The following QRSL1 variants were observed in gnomAD, a reference collection of about 807,000 sequenced individuals.
QRSL1 encodes glutaminyl-tRNA amidotransferase subunit QRSL1, also known as glutamyl-tRNA(Gln) amidotransferase subunit A, mitochondrial.
Under a neutral mutation model 61.6 loss-of-function variants are expected in QRSL1, and 54 were observed. The observed-to-expected ratio is 0.88, with a 90% confidence interval of 0.70 to 1.10. The LOEUF is 1.10. Among genes scored for constraint, QRSL1 ranks in the 50% least tolerant of loss-of-function variants. QRSL1 has a pLI of 0.00. For missense variants in QRSL1, 505 were observed against 622.6 expected (o/e 0.81, Z 2.01); for synonymous variants, 228 against 225.7 (o/e 1.01, Z -0.09).
At chr6:106,634,009 A>AAGT (rs1321988762) in intron 1 of QRSL1, among the ~76,000 whole-genome samples, 41 of 152,238 alleles carry the variant, frequency 2.7e-4, no homozygotes, top group African/African-American at 9.9e-4. Flanking sequence ...GAGAAAAATT[A>AAGT]AGTAGATCAT....
chr6:106,639,742 G>C (rs1329337909), intron 1 of QRSL1, among the ~76,000 whole-genome samples: 2 of 151,786 alleles, frequency 1.3e-5, no homozygotes, highest in African/African-American at 4.8e-5. Flanking sequence ...AGTCACTTTC[G>C]GTGCAGTTTT....
At chr6:106,641,159 A>G (rs1353680184) in intron 3 of QRSL1, among the ~76,000 whole-genome samples, 1 of 152,178 alleles carries the variant, frequency 6.6e-6, no homozygotes, top group Non-Finnish European at 1.5e-5. Flanking sequence ...AATATTTAGG[A>G]AGACTCAGTT....
At position 106,638,212 on chromosome 6, in the gene QRSL1, C is replaced by G. The variant is rs546492968; in HGVS notation, c.25-2137C>G. ...AACTCTCTTCCACCCAGCCTACTACCATCTTTGTTCTTCCCATTCCATATA... is the reference window on the plus strand; with the variant it reads ...AACTCTCTTCCACCCAGCCTACTACGATCTTTGTTCTTCCCATTCCATATA... On this transcript the variant is annotated intron_variant, in intron 1 of 10. Coordinates refer to ENST00000369046, the MANE Select transcript of QRSL1 (RefSeq NM_018292.5). 1.1e-3 allele frequency among the ~76,000 whole-genome samples: 172 copies of G among 152,304 alleles called. 1 individual carries two copies. The highest frequency in any genetic ancestry group is 3.9e-3 in the African/African-American group (161 of 41,568).
chr6:106,649,118 C>A lies in QRSL1; in HGVS notation c.474C>A (p.Ser158Arg), dbSNP rs1213839252. The change falls in exon 5 of 11, where the codon AGC (serine) becomes AGA (arginine). Residue 158 changes from serine (S) to arginine (R), a missense_variant. Ser to Arg is a moderately radical substitution (Grantham distance 110). Coordinates refer to ENST00000369046, the MANE Select transcript of QRSL1 (RefSeq NM_018292.5). ...AAAAGAGGAAGCAGAATCCCCACAG[C>A]GAGAATGAAGATTCAGACTGGCTGA... Reference protein sequence around the residue: ...YREKRKQNPHSENEDSDWLIT... With the variant: ...YREKRKQNPHRENEDSDWLIT... 1.4e-5 allele frequency: 23 copies of A among 1,614,134 alleles called. No individual in the cohort carries two copies. The highest frequency in any genetic ancestry group is 1.9e-5 in the Non-Finnish European group (22 of 1,180,022).
rs1562164982 is a variant in QRSL1, at chr6:106,639,111, G to GTTTTTTT, written c.25-1234_25-1233insTTTTTTT. Among the ~76,000 whole-genome samples the GTTTTTTT allele has an allele frequency of 1.8e-3, 108 of 60,740 alleles. 7 individuals carry two copies. Among genetic ancestry groups the GTTTTTTT allele is most frequent in the African/African-American group, 6.9e-3 (103 of 14,928 alleles). The allele number at this position is 60,740 out of a possible 152,430, so 39.8% of individuals were successfully genotyped here. On this transcript the variant is annotated intron_variant, in intron 1 of 10. Transcript: ENST00000369046. The stretch of plus-strand genomic sequence containing the variant: ...ACCTAACTTGTGTGGTTATTTGTGT[G>GTTTTTTT]TTTTGTTGTTTTTTTTTTTTTTTTT...
At chr6:106,634,326 C>G (rs915813036) in intron 1 of QRSL1, among the ~76,000 whole-genome samples, 1 of 152,138 alleles carries the variant, frequency 6.6e-6, no homozygotes, top group Non-Finnish European at 1.5e-5. Context: ...ACCTTTGAGG[C>G]CACAGTAGGG....
chr6:106,658,042 T>C (rs1777298301), intron 9 of QRSL1, among the ~76,000 whole-genome samples: 1 of 152,246 alleles, frequency 6.6e-6, no homozygotes, highest in Admixed American at 6.5e-5. Flanking sequence ...TATTTACTTA[T>C]GTAACACATT....
chr6:106,634,671 T>G (rs2114697797), intron 1 of QRSL1, among the ~76,000 whole-genome samples: 1 of 151,330 alleles, frequency 6.6e-6, no homozygotes, highest in East Asian at 2.0e-4. Flanking sequence ...GAGGCTGAGG[T>G]GGGAGGATCA....
chr6:106,647,545 CG>C (rs368364542), intron 4 of QRSL1, among the ~76,000 whole-genome samples: 45 of 96,782 alleles, frequency 4.6e-4, no homozygotes, highest in African/African-American at 1.7e-3. Flanking sequence ...GGCAATAGAG[CG>C]AGACTGTCTC....
Position 106,654,870 on chromosome 6 carries a change from G to A in QRSL1, c.990G>A (p.Leu330=). The part of the protein sequence containing the change: ...TSYSIVCYHV[L]CTSEVASNMA... ...ATTCAATTGTCTGCTACCATGTATT[G>A]TGCACATCAGAAGTGGCATCGAATA... is the stretch of plus-strand genomic sequence containing the variant. Residue 330 remains leucine, a synonymous_variant, in exon 8 of 11, where the codon TTG becomes TTA. Coordinates refer to ENST00000369046, the MANE Select transcript of QRSL1 (RefSeq NM_018292.5). 6.2e-7 allele frequency: 1 copy of A among 1,613,226 alleles called. No homozygotes were observed.
intron 9 of QRSL1, among the ~76,000 whole-genome samples, chr6:106,657,036 G>A (rs866339228): frequency 4.6e-5 from 7 of 152,322 alleles, no homozygotes; most frequent in Admixed American, 1.3e-4. Flanking sequence ...TTGGAAGGCC[G>A]AGGTGGGCAG....
At chr6:106,639,584 G>A (rs910862861) in intron 1 of QRSL1, among the ~76,000 whole-genome samples, 1 of 151,962 alleles carries the variant, frequency 6.6e-6, no homozygotes, top group African/African-American at 2.4e-5. Context: ...CCAAAGTTTT[G>A]GTGTCATCTT....
chr6:106,667,126 A>G lies in QRSL1; in HGVS notation c.*1124A>G, dbSNP rs1267259822. Reference sequence around the variant, plus strand: ...ATCACAGATTGGAAACTTGGTAGATAGCAGAGCATGGTATTAGTGAAAAAG... The same window carrying G: ...ATCACAGATTGGAAACTTGGTAGATGGCAGAGCATGGTATTAGTGAAAAAG... On this transcript the variant is annotated 3_prime_UTR_variant, in exon 11 of 11. Transcript: ENST00000369046. 1.3e-5 allele frequency: 2 copies of G among 152,268 alleles called. No homozygotes were observed. The highest frequency in any genetic ancestry group is 1.3e-4 in the Admixed American group (2 of 15,292). The allele number at this position is 152,268 out of a possible 1,614,324, so 9.4% of individuals were successfully genotyped here.
rs1582409876 is a variant in QRSL1 at position 106,642,650 on chromosome 6, T to C, written c.284-344T>C. Reference sequence around the variant, plus strand: ...TGGCAAAACTGGAGAGTACACAGTGTTCCCCAGCATGCTGTTGGCATTGTT... The same window carrying C: ...TGGCAAAACTGGAGAGTACACAGTGCTCCCCAGCATGCTGTTGGCATTGTT... On this transcript the variant is annotated intron_variant, in intron 3 of 10. Coordinates refer to ENST00000369046, the MANE Select transcript of QRSL1 (RefSeq NM_018292.5). The C allele has an allele frequency of 5.1e-6, 4 of 782,008 alleles. No individual in the cohort carries two copies. In the East Asian group the frequency reaches 9.7e-5, roughly 19 times the overall value. 48.4% of individuals were successfully genotyped at this position (782,008 alleles called of 1,614,324 possible). A position where few individuals can be genotyped will look rare whatever the true frequency, so the allele number is the denominator to read the frequency against.
chr6:106,631,400 G>A (rs1220690887), intron 1 of QRSL1, among the ~76,000 whole-genome samples: 1 of 152,178 alleles, frequency 6.6e-6, no homozygotes, highest in Non-Finnish European at 1.5e-5. Flanking sequence ...GCAATGCAAT[G>A]GGAATATGTG....
chr6:106,660,556 T>A (rs144626196), intron 9 of QRSL1, among the ~76,000 whole-genome samples: 1 of 152,262 alleles, frequency 6.6e-6, no homozygotes, highest in Admixed American at 6.5e-5. Flanking sequence ...TCATTTCATA[T>A]ATTTTGTCCA....
At chr6:106,661,828 C>T (rs1777361329) in intron 9 of QRSL1, among the ~76,000 whole-genome samples, 1 of 151,336 alleles carries the variant, frequency 6.6e-6, no homozygotes, top group African/African-American at 2.4e-5. Flanking sequence ...GCTCCTGCCT[C>T]AGCCTCCTGA....
rs1370215480 is a variant in QRSL1 at position 106,654,719 on chromosome 6, T to C, written c.850-11T>C. Reference sequence around the variant, plus strand: ...CAGTTCCAATTTTGTATCTTGACTTTTTGCTATAAGGAATATCTTGTACCG... The same window carrying C: ...CAGTTCCAATTTTGTATCTTGACTTCTTGCTATAAGGAATATCTTGTACCG... On this transcript the variant is annotated splice_polypyrimidine_tract_variant and intron_variant, in intron 7 of 10. Coordinates refer to ENST00000369046, the MANE Select transcript of QRSL1 (RefSeq NM_018292.5). The C allele has an allele frequency of 1.3e-6, 2 of 1,596,886 alleles. No homozygotes were observed.
intron 5 of QRSL1, among the ~76,000 whole-genome samples, chr6:106,651,587 CAA>C (rs1215804156): frequency 2.6e-5 from 4 of 152,060 alleles, no homozygotes; most frequent in Admixed American, 6.6e-5. Context: ...ATTTTCATAA[CAA>C]AGTTATTTAT....
Sources: allele counts gnomAD v4.1 joint callset (sites outside exome capture counted in the v4.1 genomes callset), GRCh38; gene constraint gnomAD v4.1.1; transcripts MANE v1.5; gene names NCBI Gene and HGNC (gene_info 2026-07-23, HGNC 2026-07-21).